Variants in SYT1 observed in about 807,000 individuals in gnomAD.
The protein encoded by SYT1 is synaptotagmin-1.
In SYT1, 8 loss-of-function variants were observed where a neutral mutation model predicts 44.8. That is an observed-to-expected ratio of 0.18 (90% CI 0.10 to 0.32). The LOEUF is 0.32. Among genes scored for constraint, SYT1 ranks in the 10% least tolerant of loss-of-function variants. The pLI is 1.00. For synonymous variants in SYT1, 154 were observed against 188.8 expected, an observed-to-expected ratio of 0.82 and a Z score of 1.51; for missense variants, 286 against 509.3, an observed-to-expected ratio of 0.56 and a Z score of 4.22.
chr12:79,094,852 G>A (rs560640169), intron 3 of SYT1, among the ~76,000 whole-genome samples: 22 of 151,956 alleles, frequency 1.4e-4, no homozygotes, highest in African/African-American at 5.1e-4. Flanking sequence ...AAATTAATAA[G>A]CCTTTTAATG....
chr12:79,160,154 A>T (rs1565832592), intron 3 of SYT1, among the ~76,000 whole-genome samples: 1 of 152,068 alleles, frequency 6.6e-6, no homozygotes, highest in Non-Finnish European at 1.5e-5. Context: ...TGAGGGAGAG[A>T]CATTTAAGTG....
At chr12:79,265,074 T>C (rs568446679) in intron 4 of SYT1, among the ~76,000 whole-genome samples, 1 of 152,324 alleles carries the variant, frequency 6.6e-6, no homozygotes, top group African/African-American at 2.4e-5. Context: ...AACCAAGTTT[T>C]CAACATTTTT....
Position 78,921,277 on chromosome 12 carries a change from C to T in SYT1, c.-217+56168C>T, listed in dbSNP as rs746920184. Among the ~76,000 whole-genome samples, 6 of 151,988 alleles carry T rather than the reference C, an allele frequency of 3.9e-5. No individual in the cohort carries two copies. In the South Asian group the frequency reaches 6.2e-4, roughly 16 times the overall value. ...TTTAAATTACTTCTTCCTCACTTTA[C>T]GACTATAACAGGTTATCTATTGCTT... is the stretch of plus-strand genomic sequence containing the variant. On this transcript the variant is annotated intron_variant, in intron 1 of 10. Transcript: ENST00000261205.
chr12:79,314,654 G>T (rs1032025349), intron 8 of SYT1, among the ~76,000 whole-genome samples: 1 of 152,182 alleles, frequency 6.6e-6, no homozygotes, highest in Non-Finnish European at 1.5e-5. Context: ...TTTGAAACCA[G>T]TTTGACAGTT....
intron 3 of SYT1, among the ~76,000 whole-genome samples, chr12:79,087,338 T>C (rs757042318): frequency 1.1e-4 from 16 of 152,172 alleles, no homozygotes; most frequent in Admixed American, 3.9e-4. Context: ...TTAATCTAAA[T>C]AGGACATTTA....
At chr12:79,015,444 A>G (rs935763190) in intron 2 of SYT1, among the ~76,000 whole-genome samples, 21 of 152,096 alleles carry the variant, frequency 1.4e-4, no homozygotes, top group Non-Finnish European at 5.9e-5. Flanking sequence ...TTTATACCAT[A>G]TATTATCTCT....
At chr12:79,246,531 C>T (rs898438566) in intron 4 of SYT1, among the ~76,000 whole-genome samples, 1 of 152,100 alleles carries the variant, frequency 6.6e-6, no homozygotes, top group Non-Finnish European at 1.5e-5. Context: ...AAGGTACCAA[C>T]AGGTTCAGTG....
intron 3 of SYT1, among the ~76,000 whole-genome samples, chr12:79,169,903 G>A (rs2138344378): frequency 6.6e-6 from 1 of 152,084 alleles, no homozygotes; most frequent in Middle Eastern, 3.4e-3. Context: ...ATGTGTCCAT[G>A]TGTCCTCATC....
At chr12:79,346,727 G>C (rs1396575198) in intron 8 of SYT1, among the ~76,000 whole-genome samples, 9 of 152,308 alleles carry the variant, frequency 5.9e-5, no homozygotes, top group Non-Finnish European at 1.3e-4. Context: ...GGATTAAAAT[G>C]GAGACACTGT....
chr12:78,868,087 T>G (rs1399941453), intron 1 of SYT1, among the ~76,000 whole-genome samples: 1 of 151,922 alleles, frequency 6.6e-6, no homozygotes, highest in African/African-American at 2.4e-5. Context: ...ACACACTTAA[T>G]GCAGACAATT....
chr12:79,376,904 T>G (rs1357218259), intron 9 of SYT1, among the ~76,000 whole-genome samples: 1 of 152,206 alleles, frequency 6.6e-6, no homozygotes, highest in Non-Finnish European at 1.5e-5. Flanking sequence ...TGTAAATATA[T>G]GACTTATCTA....
intron 4 of SYT1, among the ~76,000 whole-genome samples, chr12:79,270,639 A>G (rs573473674): frequency 1.4e-4 from 22 of 152,348 alleles, no homozygotes; most frequent in Admixed American, 3.9e-4. Flanking sequence ...CAAGGCAGAA[A>G]TACAAAAGAC....
At chr12:79,317,143 G>A (rs7136255) in intron 8 of SYT1, among the ~76,000 whole-genome samples, 1,617 of 152,210 alleles carry the variant, frequency 0.011, 31 homozygotes, top group African/African-American at 0.037. Context: ...TTACAGAACC[G>A]TTTAAAAAGT....
chr12:79,397,321 C>G (rs1170528015), intron 9 of SYT1, among the ~76,000 whole-genome samples: 3 of 152,216 alleles, frequency 2.0e-5, no homozygotes, highest in Non-Finnish European at 4.4e-5. Context: ...TCTCGATCTC[C>G]TGGGCTTAAG....
chr12:79,312,135 C>G (rs1880837090), intron 8 of SYT1, among the ~76,000 whole-genome samples: 1 of 151,936 alleles, frequency 6.6e-6, no homozygotes, highest in Non-Finnish European at 1.5e-5. Flanking sequence ...CATTTGCCTT[C>G]TGGGGAATTG....
chr12:79,313,460 C>A lies in SYT1; in HGVS notation c.810+13909C>A, dbSNP rs371917638. 3.5e-4 allele frequency among the ~76,000 whole-genome samples: 54 copies of A among 152,244 alleles called. No individual in the cohort carries two copies. In the East Asian group the frequency reaches 8.9e-3, roughly 25 times the overall value. On this transcript the variant is annotated intron_variant, in intron 8 of 10. Transcript: ENST00000261205. ...TAACAGATAAAAATGAAGCAGATTG[C>A]AAATCCTTTTTTAAAATCTTAAACC...
chr12:78,972,083 A>G (rs1868422074), intron 1 of SYT1, among the ~76,000 whole-genome samples: 1 of 152,102 alleles, frequency 6.6e-6, no homozygotes, highest in Non-Finnish European at 1.5e-5. Context: ...TTTAATTGTA[A>G]ATGATTTCTT....
chr12:79,174,920 C>T (rs1871765166), intron 3 of SYT1, among the ~76,000 whole-genome samples: 1 of 151,958 alleles, frequency 6.6e-6, no homozygotes, highest in African/African-American at 2.4e-5. Flanking sequence ...ACTTTGGTTA[C>T]TTTACAGGTA....
chr12:79,348,623 G>A (rs1400948073), intron 8 of SYT1, among the ~76,000 whole-genome samples: 1 of 152,188 alleles, frequency 6.6e-6, no homozygotes, highest in African/African-American at 2.4e-5. Flanking sequence ...TATGTAGTAT[G>A]CATTGAATTT....
Sources: allele counts gnomAD v4.1 joint callset (sites outside exome capture counted in the v4.1 genomes callset), GRCh38; gene constraint gnomAD v4.1.1; transcripts MANE v1.5; gene names NCBI Gene and HGNC (gene_info 2026-07-23, HGNC 2026-07-21).